CCN6: variants seen among roughly 807,000 people sequenced by gnomAD.
CCN6 encodes CCN family member 6.
In CCN6, 31 loss-of-function variants were observed where a neutral mutation model predicts 37.4. That is an observed-to-expected ratio of 0.83 (90% CI 0.62 to 1.12). The LOEUF is 1.12. CCN6 is among the 50% of genes most tolerant of loss of function. The probability of loss-of-function intolerance (pLI) is 0.00; values close to 1 mark genes in which losing one functional copy is unlikely to be tolerated. For synonymous variants in CCN6, 137 were observed against 142.1 expected (o/e 0.96, Z 0.26); for missense variants, 369 against 413.8 (o/e 0.89, Z 0.94).
In CCN6 at chr6:112,069,369, T is replaced by C; in HGVS notation, c.814T>C (p.Phe272Leu). The C allele has an allele frequency of 6.2e-7, 1 of 1,613,568 alleles. No homozygotes were observed. The highest frequency in any genetic ancestry group is 8.5e-7 in the Non-Finnish European group (1 of 1,179,844). Residue 272 changes from phenylalanine to leucine, a missense_variant, in exon 5 of 5, where the codon TTC (phenylalanine) becomes CTC (leucine). By Grantham distance (22) the Phe-to-Leu change is conservative. Transcript: ENST00000368666. ...CAAAGGAAAAACATGCCAACCTACT[T>C]TCCAACTCTCCAAAGCTGAAAAATT... ...IPKGKTCQPT[F>L]QLSKAEKFVF...
intron 3 of CCN6, among the ~76,000 whole-genome samples, chr6:112,067,407 A>T (rs1435846689): frequency 6.6e-6 from 1 of 152,134 alleles, no homozygotes; most frequent in African/African-American, 2.4e-5. Flanking sequence ...TTACATGGAA[A>T]TGGGAGCATT....
chr6:112,057,057 G>C (rs1370792049), intron 1 of CCN6, among the ~76,000 whole-genome samples: 1 of 152,164 alleles, frequency 6.6e-6, no homozygotes, highest in Non-Finnish European at 1.5e-5. Context: ...ATCTGGAAAT[G>C]CTTCAAAATT....
chr6:112,066,986 A>T, intron 3 of CCN6: 1 of 1,366,356 alleles, frequency 7.3e-7, no homozygotes, highest in Non-Finnish European at 9.8e-7. Flanking sequence ...CCAAGCTTCT[A>T]ATCTGCTTCC....
intron 1 of CCN6, among the ~76,000 whole-genome samples, chr6:112,058,823 G>A (rs1045535280): frequency 2.0e-5 from 3 of 152,198 alleles, no homozygotes; most frequent in Admixed American, 6.5e-5. Flanking sequence ...ACACTTTCAC[G>A]TGTGAAGGAT....
chr6:112,064,659 C>T (rs587704151), intron 2 of CCN6, 96 bp from the exon 3 acceptor site: 3 of 1,572,858 alleles, frequency 1.9e-6, no homozygotes, highest in East Asian at 2.2e-5. Flanking sequence ...ATACTTCATA[C>T]AGGAGATGAT....
chr6:112,056,866 T>C (rs1235170616), intron 1 of CCN6, among the ~76,000 whole-genome samples: 4 of 152,054 alleles, frequency 2.6e-5, no homozygotes, highest in African/African-American at 9.7e-5. Context: ...TTGTTTTTTT[T>C]TCCTTTCAAC....
chr6:112,066,944 T>A, intron 3 of CCN6: 9 of 1,364,344 alleles, frequency 6.6e-6, no homozygotes, highest in Non-Finnish European at 8.8e-6. Flanking sequence ...AACACGGTAA[T>A]CTAACCTGCC....
intron 4 of CCN6, 99 bp from the exon 5 acceptor site, chr6:112,069,240 C>T: frequency 1.5e-6 from 2 of 1,356,234 alleles, no homozygotes; most frequent in Non-Finnish European, 2.0e-6. Context: ...TTTATTAATG[C>T]CTCCAAATAC....
chr6:112,068,979 T>C (rs1001010724), intron 4 of CCN6, among the ~76,000 whole-genome samples: 1 of 152,176 alleles, frequency 6.6e-6, no homozygotes, highest in African/African-American at 2.4e-5. Flanking sequence ...TATTCATCTA[T>C]GCATCCACTG....
chr6:112,067,056 C>T (rs1012796392), intron 3 of CCN6: 5 of 1,363,268 alleles, frequency 3.7e-6, no homozygotes, highest in Non-Finnish European at 4.9e-6. Flanking sequence ...TCTGCTTCCT[C>T]TCCTCAGTTC....
chr6:112,060,060 CGCTGGTGTG>C, intron 1 of CCN6: 1 of 1,366,002 alleles, frequency 7.3e-7, no homozygotes, highest in Non-Finnish European at 9.8e-7. Flanking sequence ...AGAACAAGGA[CGCTGGTGTG>C]GCTGGTGTGG....
intron 1 of CCN6, chr6:112,059,932 G>C (rs1403416929): frequency 1.4e-5 from 19 of 1,324,956 alleles, no homozygotes; most frequent in Non-Finnish European, 1.7e-5. Flanking sequence ...CTGGGATAGG[G>C]TGCCCTTTCA....
intron 1 of CCN6, among the ~76,000 whole-genome samples, chr6:112,055,279 T>A (rs1360350293): frequency 6.6e-6 from 1 of 152,230 alleles, no homozygotes; most frequent in Non-Finnish European, 1.5e-5. Flanking sequence ...AGGTCATTGC[T>A]GCTGTTCTGT....
chr6:112,054,548 T>A, intron 1 of CCN6, 143 bp downstream of exon 1: 1 of 758,216 alleles, frequency 1.3e-6, no homozygotes, highest in Non-Finnish European at 2.3e-6. Context: ...TAGGAAGCCA[T>A]TTTTCTTTCC....
At chr6:112,068,749 G>C (rs1460056738) in intron 4 of CCN6, among the ~76,000 whole-genome samples, 2 of 152,096 alleles carry the variant, frequency 1.3e-5, no homozygotes, top group Non-Finnish European at 2.9e-5. Context: ...TTTCCAAAAT[G>C]CTCTATGCTT....
chr6:112,067,716 G>A (rs587608755), intron 3 of CCN6, among the ~76,000 whole-genome samples: 1 of 152,274 alleles, frequency 6.6e-6, no homozygotes, highest in African/African-American at 2.4e-5. Flanking sequence ...ACAAATGGAA[G>A]AAATCTGGTC....
rs782683729 is a variant in CCN6 at position 112,068,410 on chromosome 6, A to G, written c.783+12A>G. 1.1e-5 allele frequency: 17 copies of G among 1,594,050 alleles called. No individual in the cohort carries two copies. The highest frequency in any genetic ancestry group is 1.5e-5 in the Non-Finnish European group (17 of 1,168,762). The stretch of plus-strand genomic sequence containing the variant: ...TAAAGACAATAAAGGTAAAGTTTAA[A>G]TATATTTAACTTAATTCAATATTAA... On this transcript the variant is annotated intron_variant, in intron 4 of 4. Transcript: ENST00000368666.
At position 112,054,243 on chromosome 6, in the gene CCN6, T is replaced by G. The variant is rs1776276888; in HGVS notation, c.-115T>G. The G allele has an allele frequency of 7.0e-7, 1 of 1,428,292 alleles. No homozygotes were observed. Among genetic ancestry groups the G allele is most frequent in the African/African-American group, 1.4e-5 (1 of 71,152 alleles). 88.5% of individuals were successfully genotyped at this position (1,428,292 alleles called of 1,614,324 possible). A position where few individuals can be genotyped will look rare whatever the true frequency, so the allele number is the denominator to read the frequency against. ...AGTGTGGGAGGTAGAGGGTGTGTGT[T>G]CTTGTGCAGAGGAGCGTGGGGTTTG... On this transcript the variant is annotated 5_prime_UTR_variant, in exon 1 of 5. Coordinates refer to ENST00000368666, the MANE Select transcript of CCN6 (RefSeq NM_198239.2).
In CCN6 at chr6:112,054,213, T is replaced by A; in HGVS notation, c.-145T>A. 1 of 1,072,272 alleles carries A rather than the reference T, an allele frequency of 9.3e-7. No individual in the cohort carries two copies. Among genetic ancestry groups the A allele is most frequent in the Non-Finnish European group, 1.5e-6 (1 of 685,324 alleles). 66.4% of individuals were successfully genotyped at this position (1,072,272 alleles called of 1,614,324 possible). On this transcript the variant is annotated 5_prime_UTR_variant, in exon 1 of 5. It adds an upstream start codon to the 5' untranslated region. Coordinates refer to ENST00000368666, the MANE Select transcript of CCN6 (RefSeq NM_198239.2). ...TAAAAATGAAAGTGCAGGCTGAAAG[T>A]TGGTAGTGTGGGAGGTAGAGGGTGT...
Sources: gnomAD v4.1 joint callset for allele counts (sites outside exome capture counted in the v4.1 genomes callset) on GRCh38, gnomAD v4.1.1 for gene constraint, MANE v1.5 for transcripts, NCBI Gene and HGNC (gene_info 2026-07-23, HGNC 2026-07-21) for gene names.